C1orf21: variants seen among roughly 807,000 people sequenced by gnomAD.
C1orf21 encodes uncharacterized protein C1orf21.
Under a neutral mutation model 18.7 loss-of-function variants are expected in C1orf21, and 3 were observed. That is an observed-to-expected ratio of 0.16 (90% confidence interval 0.07 to 0.42). C1orf21 has a LOEUF of 0.42. Ranked by LOEUF, C1orf21 falls within the 10% of genes least tolerant of loss-of-function variation. The pLI, the probability that C1orf21 is intolerant of heterozygous loss-of-function variation, is 0.99. For synonymous variants in C1orf21, 41 were observed against 46.4 expected (o/e 0.88, Z 0.47); for missense variants, 104 against 143.6 (o/e 0.72, Z 1.41).
intron 1 of C1orf21, among the ~76,000 whole-genome samples, chr1:184,470,564 T>G (rs963889434): frequency 6.6e-6 from 1 of 151,986 alleles, no homozygotes; most frequent in African/African-American, 2.4e-5. Flanking sequence ...GCAAATACCT[T>G]TGGTATTCTG....
At chr1:184,408,729 A>G (rs1484228081) in intron 1 of C1orf21, among the ~76,000 whole-genome samples, 2 of 152,188 alleles carry the variant, frequency 1.3e-5, no homozygotes, top group East Asian at 1.9e-4. Context: ...ATAAGCTGCT[A>G]ACTAGATAGA....
intron 3 of C1orf21, among the ~76,000 whole-genome samples, chr1:184,588,334 A>G (rs1558009253): frequency 6.6e-6 from 1 of 152,214 alleles, no homozygotes; most frequent in Non-Finnish European, 1.5e-5. Flanking sequence ...GCTTCAGTCA[A>G]TGGTTTTCTG....
At chr1:184,441,365 G>A (rs775685891) in intron 1 of C1orf21, among the ~76,000 whole-genome samples, 8 of 152,172 alleles carry the variant, frequency 5.3e-5, no homozygotes, top group East Asian at 1.9e-4. Flanking sequence ...GTGGCAGGGC[G>A]AAGACCTGGT....
At chr1:184,595,959 C>T (rs1411971780) in intron 4 of C1orf21, among the ~76,000 whole-genome samples, 1 of 152,196 alleles carries the variant, frequency 6.6e-6, no homozygotes. Flanking sequence ...TGGGACAACA[C>T]AAAACTGAAA....
At chr1:184,526,225 C>T (rs1272368805) in intron 3 of C1orf21, among the ~76,000 whole-genome samples, 1 of 152,136 alleles carries the variant, frequency 6.6e-6, no homozygotes, top group African/African-American at 2.4e-5. Context: ...GGATTTTAAA[C>T]ATTAGTGAAT....
chr1:184,517,134 C>G (rs1026877406), intron 3 of C1orf21, among the ~76,000 whole-genome samples: 1 of 152,032 alleles, frequency 6.6e-6, no homozygotes, highest in Non-Finnish European at 1.5e-5. Context: ...TCATATTACT[C>G]TATTTGTTAG....
At chr1:184,609,363 G>T (rs992741972) in intron 5 of C1orf21, among the ~76,000 whole-genome samples, 5 of 152,174 alleles carry the variant, frequency 3.3e-5, no homozygotes, top group African/African-American at 1.2e-4. Flanking sequence ...TGTGTGATTA[G>T]TCTCCCCAAA....
chr1:184,551,921 G>A (rs1558000922), intron 3 of C1orf21, among the ~76,000 whole-genome samples: 1 of 147,442 alleles, frequency 6.8e-6, no homozygotes, highest in Non-Finnish European at 1.5e-5. Context: ...TTGAGCCTGG[G>A]TGACAGAAAG....
intron 1 of C1orf21, among the ~76,000 whole-genome samples, chr1:184,407,804 A>G (rs1239568702): frequency 2.0e-5 from 3 of 152,222 alleles, no homozygotes; most frequent in Admixed American, 2.0e-4. Flanking sequence ...ATATTTGAAT[A>G]CTATTTATCC....
intron 5 of C1orf21, among the ~76,000 whole-genome samples, chr1:184,610,547 C>T (rs545593433): frequency 2.0e-5 from 3 of 152,246 alleles, no homozygotes; most frequent in African/African-American, 7.2e-5. Flanking sequence ...TTGAAAAGTA[C>T]GTGGCTTAAA....
intron 1 of C1orf21, among the ~76,000 whole-genome samples, chr1:184,399,506 G>A (rs1656115739): frequency 6.6e-6 from 1 of 151,828 alleles, no homozygotes; most frequent in South Asian, 2.1e-4. Context: ...GGGACTATAG[G>A]TGTATGCCAC....
intron 3 of C1orf21, among the ~76,000 whole-genome samples, chr1:184,551,893 A>G (rs1220591400): frequency 2.7e-5 from 4 of 150,542 alleles, no homozygotes; most frequent in Admixed American, 1.3e-4. Context: ...AGACCTGGCT[A>G]TGGCTACACC....
At chr1:184,489,641 C>T (rs757213141) in intron 2 of C1orf21, among the ~76,000 whole-genome samples, 9 of 152,142 alleles carry the variant, frequency 5.9e-5, no homozygotes, top group African/African-American at 9.7e-5. Flanking sequence ...ACTGATGAAA[C>T]ATGCATGGAA....
At chr1:184,510,951 G>T (rs769749429) in intron 3 of C1orf21, among the ~76,000 whole-genome samples, 1 of 152,128 alleles carries the variant, frequency 6.6e-6, no homozygotes. Flanking sequence ...GAAAAGATTT[G>T]GGTAAGGTTG....
chr1:184,474,192 G>C (rs1023904958), intron 1 of C1orf21, among the ~76,000 whole-genome samples: 12 of 152,212 alleles, frequency 7.9e-5, no homozygotes, highest in African/African-American at 2.9e-4. Flanking sequence ...TTGAATTACT[G>C]CTATAAAATA....
At chr1:184,459,907 T>C (rs187351020) in intron 1 of C1orf21, among the ~76,000 whole-genome samples, 2 of 152,178 alleles carry the variant, frequency 1.3e-5, no homozygotes, top group African/African-American at 2.4e-5. Flanking sequence ...TTTGCTTCCA[T>C]TTTTATTTCT....
intron 3 of C1orf21, among the ~76,000 whole-genome samples, chr1:184,565,821 G>A (rs763716934): frequency 9.2e-5 from 14 of 152,264 alleles, no homozygotes; most frequent in Middle Eastern, 3.4e-3. Context: ...GATCACTGTT[G>A]TTCAATAGAT....
chr1:184,426,303 T>C (rs1656636591), intron 1 of C1orf21, among the ~76,000 whole-genome samples: 1 of 152,028 alleles, frequency 6.6e-6, no homozygotes, highest in South Asian at 2.1e-4. Flanking sequence ...TACTGAGGAG[T>C]CTCCTAACTG....
intron 3 of C1orf21, among the ~76,000 whole-genome samples, chr1:184,555,589 G>A (rs1157147434): frequency 1.3e-5 from 2 of 151,866 alleles, no homozygotes; most frequent in African/African-American, 4.8e-5. Flanking sequence ...ACAAACACCT[G>A]TTACCTTCTT....
Sources: gnomAD v4.1 joint callset for allele counts (sites outside exome capture counted in the v4.1 genomes callset) on GRCh38, gnomAD v4.1.1 for gene constraint, MANE v1.5 for transcripts, NCBI Gene and HGNC (gene_info 2026-07-23, HGNC 2026-07-21) for gene names.